The following TRPM5 variants were observed in gnomAD, a reference collection of about 807,000 sequenced individuals.
TRPM5 encodes transient receptor potential cation channel subfamily M member 5.
In TRPM5, 121 loss-of-function variants were observed where a neutral mutation model predicts 124.9. The observed-to-expected ratio is 0.97, with a 90% CI of 0.84 to 1.13. The LOEUF (loss-of-function observed/expected upper bound fraction) is 1.13. TRPM5 is among the 50% of genes most tolerant of loss of function. The pLI is 0.00. For synonymous variants in TRPM5, 781 were observed against 700.5 expected, an observed-to-expected ratio of 1.11 and a Z score of -1.81; for missense variants, 1,643 against 1,589.1, an observed-to-expected ratio of 1.03 and a Z score of -0.58.
rs375141894 is a variant in TRPM5 at position 2,421,099 on chromosome 11, C to T, written c.398G>A (p.Arg133His). ...CGAGGCCATGCCGACAGCAACCACACGGACCTTGGTGGACGTGCTGGCCAG... is the reference window on the plus strand; with the variant it reads ...CGAGGCCATGCCGACAGCAACCACATGGACCTTGGTGGACGTGCTGGCCAG... The change falls in exon 3 of 24, where the codon CGT becomes CAT. Residue 133 changes from arginine to histidine, a missense_variant. Transcript: ENST00000155858. The T allele has an allele frequency of 1.4e-4, 224 of 1,549,044 alleles. No individual in the cohort carries two copies. The highest frequency in any genetic ancestry group is 1.9e-4 in the Admixed American group (10 of 51,812).
At chr11:2,442,405 AC>A in the TRPM5 span, among the ~76,000 whole-genome samples, 22 of 148,980 alleles carry the variant, frequency 1.5e-4, no homozygotes, top group African/African-American at 5.7e-4. This position sits in a 1 kb window ranked among gnomAD's most constrained non-coding sequence, Gnocchi z 5.9. Context: ...ACACACACAC[AC>A]ACACACACAC....
At chr11:2,413,380 G>T in intron 13 of TRPM5, 96 bp downstream of exon 18, 1 of 1,333,736 alleles carries the variant, frequency 7.5e-7, no homozygotes, top group African/African-American at 1.5e-5. Context: ...ACAGAGTCAG[G>T]CTACCACCAG....
chr11:2,420,596 C>T (rs990470199), intron 3 of TRPM5, among the ~76,000 whole-genome samples, 191 bp from the exon 9 acceptor site: 1 of 152,236 alleles, frequency 6.6e-6, no homozygotes, highest in Non-Finnish European at 1.5e-5. Context: ...GACCCTCCTT[C>T]GACAGTCAGG....
chr11:2,424,091 T>C (rs1237302421), upstream of TRPM5, among the ~76,000 whole-genome samples: 1 of 152,252 alleles, frequency 6.6e-6, no homozygotes, highest in East Asian at 1.9e-4. Flanking sequence ...CTGTCCGACC[T>C]GGGGCTACCT....
At chr11:2,421,178 C>T in exon 3 of TRPM5, 1 of 1,540,950 alleles carries the variant, frequency 6.5e-7, no homozygotes, top group Non-Finnish European at 8.7e-7. Flanking sequence ...ACGCGGAGGG[C>T]ACTGGTCAGG....
At chr11:2,423,030 C>A (rs755625794) in exon 1 of TRPM5, 1 of 1,611,210 alleles carries the variant, frequency 6.2e-7, no homozygotes, top group Non-Finnish European at 8.5e-7. Context: ...CCTTGGACAT[C>A]CTGCATGGTG....
chr11:2,405,723 G>T, intron 22 of TRPM5, 130 bp from the exon 28 acceptor site: 2 of 1,047,574 alleles, frequency 1.9e-6, no homozygotes, highest in Non-Finnish European at 2.8e-6. Context: ...GAGAGCTGCC[G>T]CTCACAGGCA....
At chr11:2,404,995 C>T (rs765007956) in exon 24 of TRPM5, 1 of 1,612,830 alleles carries the variant, frequency 6.2e-7, no homozygotes, top group Admixed American at 1.7e-5. Flanking sequence ...TAAACCACCT[C>T]TGTGGTCAGC....
chr11:2,413,287 C>T, intron 13 of TRPM5, 61 bp from the exon 19 acceptor site: 1 of 1,455,940 alleles, frequency 6.9e-7, no homozygotes. Context: ...CTGCCTGGCT[C>T]CAGGCGCTTG....
chr11:2,421,155 C>T (rs552166045), exon 3 of TRPM5: 5 of 1,542,084 alleles, frequency 3.2e-6, no homozygotes, highest in Non-Finnish European at 4.4e-6. Context: ...GCCCGACATG[C>T]CTGGCCAGGC....
the TRPM5 span, among the ~76,000 whole-genome samples, chr11:2,434,916 G>A: frequency 6.6e-6 from 1 of 152,160 alleles, no homozygotes; most frequent in African/African-American, 2.4e-5. Flanking sequence ...TCAACCATCC[G>A]ATCACCCATC....
chr11:2,434,899 C>T, the TRPM5 span, among the ~76,000 whole-genome samples: 1 of 152,184 alleles, frequency 6.6e-6, no homozygotes, highest in Non-Finnish European at 1.5e-5. Context: ...GCCACTCATC[C>T]ATGAACTCAA....
intron 18 of TRPM5, among the ~76,000 whole-genome samples, chr11:2,409,392 A>G (rs1193139958): frequency 1.3e-5 from 2 of 151,890 alleles, no homozygotes; most frequent in East Asian, 1.9e-4. Flanking sequence ...TGAGACCCCC[A>G]CACCCTCCCC....
the TRPM5 span, among the ~76,000 whole-genome samples, chr11:2,431,537 G>A: frequency 6.6e-6 from 1 of 152,144 alleles, no homozygotes; most frequent in East Asian, 1.9e-4. Flanking sequence ...GACTACAGAA[G>A]TTCTTCCCCA....
chr11:2,428,497 T>C, the TRPM5 span, among the ~76,000 whole-genome samples: 57 of 144,264 alleles, frequency 4.0e-4, 1 homozygote, highest in African/African-American at 1.4e-3. This position sits in a 1 kb window ranked among gnomAD's most constrained non-coding sequence, Gnocchi z 4.0. Flanking sequence ...GATGATGATA[T>C]TGATGGTCAT....
At chr11:2,419,961 C>T (rs531502513) in intron 4 of TRPM5, among the ~76,000 whole-genome samples, 1 of 152,194 alleles carries the variant, frequency 6.6e-6, no homozygotes, top group Non-Finnish European at 1.5e-5. Flanking sequence ...TGCACCTGCT[C>T]TGGTGGGAAT....
the TRPM5 span, among the ~76,000 whole-genome samples, chr11:2,434,640 T>C: frequency 2.0e-5 from 3 of 151,402 alleles, no homozygotes; most frequent in Non-Finnish European, 2.9e-5. Flanking sequence ...GTGTGGACAC[T>C]GCATGTGTGT....
upstream of TRPM5, among the ~76,000 whole-genome samples, chr11:2,426,821 G>C (rs1400471338): frequency 6.6e-6 from 1 of 152,210 alleles, no homozygotes; most frequent in Non-Finnish European, 1.5e-5. Flanking sequence ...CTGGAAGTCA[G>C]CTGTGTGTCC....
chr11:2,438,346 C>G, the TRPM5 span, among the ~76,000 whole-genome samples: 1 of 152,152 alleles, frequency 6.6e-6, no homozygotes, highest in South Asian at 2.1e-4. The surrounding 1 kb of genome is among the most constrained non-coding windows in gnomAD (Gnocchi z 5.9). Flanking sequence ...CAGGAGATGA[C>G]GCATCTCCAC....
Sources: gnomAD v4.1 joint callset for allele counts (sites outside exome capture counted in the v4.1 genomes callset) on GRCh38, gnomAD v4.1.1 for gene constraint, Gnocchi (gnomAD v3.1) non-coding constraint, MANE v1.5 for transcripts, NCBI Gene and HGNC (gene_info 2026-07-23, HGNC 2026-07-21) for gene names.